ADGRB3: variants seen among roughly 807,000 people sequenced by gnomAD.
ADGRB3 encodes brain-specific angiogenesis inhibitor 3.
In ADGRB3, 37 loss-of-function variants were observed where a neutral mutation model predicts 193.4. The observed-to-expected ratio is 0.19, with a 90% CI of 0.15 to 0.25. The LOEUF (loss-of-function observed/expected upper bound fraction) is 0.25. ADGRB3 is among the 10% of genes least tolerant of loss of function. The probability of loss-of-function intolerance (pLI) is 1.00; values close to 1 mark genes in which losing one functional copy is unlikely to be tolerated. For synonymous variants in ADGRB3, 690 were observed against 644.2 expected (o/e 1.07, Z -1.08); for missense variants, 1,637 against 1,852.9 (o/e 0.88, Z 2.14).
At chr6:68,846,574 A>G (rs1279428859) in intron 3 of ADGRB3, among the ~76,000 whole-genome samples, 3 of 152,236 alleles carry the variant, frequency 2.0e-5, no homozygotes, top group African/African-American at 4.8e-5. Flanking sequence ...GGGTCAATGT[A>G]CAGTTCAGGC....
intron 2 of ADGRB3, among the ~76,000 whole-genome samples, chr6:68,637,802 AT>A (rs3839456): frequency 0.37 from 55,336 of 148,530 alleles, 10,167 homozygotes; most frequent in Non-Finnish European, 0.39. Flanking sequence ...ATGGTTCTGG[AT>A]TTTTTTTTTT....
At chr6:68,795,114 G>A (rs918570866) in intron 3 of ADGRB3, among the ~76,000 whole-genome samples, 1 of 151,996 alleles carries the variant, frequency 6.6e-6, no homozygotes, top group Admixed American at 6.6e-5. Context: ...GTGAAAGTGA[G>A]CACATACATA....
At chr6:68,868,524 A>G (rs918835189) in intron 3 of ADGRB3, among the ~76,000 whole-genome samples, 1 of 152,222 alleles carries the variant, frequency 6.6e-6, no homozygotes, top group Non-Finnish European at 1.5e-5. Context: ...ATATAACACT[A>G]TAATTTTTTA....
chr6:68,762,586 A>G (rs1465611269), intron 3 of ADGRB3, among the ~76,000 whole-genome samples: 2 of 152,130 alleles, frequency 1.3e-5, no homozygotes, highest in Non-Finnish European at 1.5e-5. Context: ...AATTATTTGA[A>G]AAGGTAAAAG....
rs530953868 is a variant in ADGRB3, at chr6:69,141,185, G to A, written c.2480+65147G>A. Reference sequence around the variant, plus strand: ...GTCGCCCAGGCTGGAGTGCAGTGGCGCCATCTCGGCTCACTGCAAGCTCCG... The same window carrying A: ...GTCGCCCAGGCTGGAGTGCAGTGGCACCATCTCGGCTCACTGCAAGCTCCG... On this transcript the variant is annotated intron_variant, in intron 17 of 31. Transcript: ENST00000370598. Among the ~76,000 whole-genome samples the A allele has an allele frequency of 5.1e-4, 77 of 151,252 alleles. No individual in the cohort carries two copies. The South Asian group carries it at 9.7e-3, about 19-fold the overall frequency.
At chr6:69,032,053 A>G (rs1460172665) in intron 13 of ADGRB3, among the ~76,000 whole-genome samples, 3 of 152,204 alleles carry the variant, frequency 2.0e-5, no homozygotes, top group Non-Finnish European at 4.4e-5. Flanking sequence ...GCCTCAGTTC[A>G]AGAGATCTTC....
intron 20 of ADGRB3, among the ~76,000 whole-genome samples, chr6:69,261,474 A>T (rs1415068215): frequency 1.3e-5 from 2 of 152,138 alleles, no homozygotes; most frequent in Middle Eastern, 3.2e-3. Context: ...TTATATAAAT[A>T]TACTAATTTC....
chr6:69,163,426 A>G (rs1047540856), intron 17 of ADGRB3, among the ~76,000 whole-genome samples: 11 of 152,142 alleles, frequency 7.2e-5, no homozygotes, highest in African/African-American at 2.7e-4. Context: ...TTGCTCTGCA[A>G]ATTACAAATG....
intron 16 of ADGRB3, among the ~76,000 whole-genome samples, chr6:69,066,173 CAT>C (rs967622992): frequency 2.4e-4 from 36 of 151,254 alleles, no homozygotes; most frequent in African/African-American, 8.2e-4. Context: ...TATACATCCA[CAT>C]ATATATATTA....
At chr6:68,875,331 C>T (rs1047255468) in intron 3 of ADGRB3, among the ~76,000 whole-genome samples, 3 of 144,272 alleles carry the variant, frequency 2.1e-5, no homozygotes, top group African/African-American at 7.7e-5. Context: ...TGGGTCTTAA[C>T]TTCCTTTCAT....
intron 17 of ADGRB3, among the ~76,000 whole-genome samples, chr6:69,187,430 T>A (rs1262002424): frequency 6.6e-6 from 1 of 152,148 alleles, no homozygotes; most frequent in East Asian, 1.9e-4. Flanking sequence ...AATGATGGTA[T>A]CTGGCAGTAC....
intron 3 of ADGRB3, among the ~76,000 whole-genome samples, chr6:68,646,148 C>A (rs1236511158): frequency 6.6e-6 from 1 of 152,086 alleles, no homozygotes; most frequent in Non-Finnish European, 1.5e-5. Context: ...GACATGATGA[C>A]CTGTGTCCAG....
chr6:68,874,210 G>A (rs1280823474), intron 3 of ADGRB3, among the ~76,000 whole-genome samples: 2 of 151,880 alleles, frequency 1.3e-5, no homozygotes, highest in Non-Finnish European at 2.9e-5. Context: ...ATGTGATTTC[G>A]GTATGCATGA....
chr6:68,878,654 C>G (rs1269726996), intron 3 of ADGRB3, among the ~76,000 whole-genome samples: 2 of 152,128 alleles, frequency 1.3e-5, no homozygotes, highest in Admixed American at 6.6e-5. Context: ...AGTATGGGTA[C>G]TCTGTGACCA....
chr6:69,291,892 T>C (rs1455923196), intron 20 of ADGRB3, among the ~76,000 whole-genome samples: 3 of 152,166 alleles, frequency 2.0e-5, no homozygotes, highest in Non-Finnish European at 2.9e-5. Flanking sequence ...GACCTTGCCC[T>C]GAAACAAGTC....
chr6:69,041,009 G>T (rs972206223), intron 13 of ADGRB3, among the ~76,000 whole-genome samples: 3 of 152,072 alleles, frequency 2.0e-5, no homozygotes, highest in Admixed American at 6.5e-5. Flanking sequence ...CTGGAACTTG[G>T]AGATCTTAAC....
chr6:69,185,852 A>T (rs1765055278), intron 17 of ADGRB3, among the ~76,000 whole-genome samples: 1 of 152,310 alleles, frequency 6.6e-6, no homozygotes, highest in Admixed American at 6.5e-5. Context: ...AGAATCTGGT[A>T]TCTAATTCAT....
chr6:69,123,863 A>T (rs942750121), intron 17 of ADGRB3, among the ~76,000 whole-genome samples: 1 of 152,218 alleles, frequency 6.6e-6, no homozygotes, highest in Non-Finnish European at 1.5e-5. Flanking sequence ...GATGAAAAAC[A>T]TACAGAGCAT....
At chr6:68,788,449 A>G (rs2127365073) in intron 3 of ADGRB3, among the ~76,000 whole-genome samples, 1 of 152,240 alleles carries the variant, frequency 6.6e-6, no homozygotes, top group Middle Eastern at 3.4e-3. Flanking sequence ...TTGAGTTTCC[A>G]TGTAGTTGAG....
Sources: gnomAD v4.1 joint callset for allele counts (sites outside exome capture counted in the v4.1 genomes callset) on GRCh38, gnomAD v4.1.1 for gene constraint, MANE v1.5 for transcripts, NCBI Gene and HGNC (gene_info 2026-07-23, HGNC 2026-07-21) for gene names.